SEC61A2: variants seen among roughly 807,000 people sequenced by gnomAD.
The protein encoded by SEC61A2 is SEC61 translocon subunit alpha 2.
A neutral mutation model predicts 59.9 loss-of-function variants in SEC61A2; 28 were observed. The observed-to-expected ratio is 0.47, with a 90% CI of 0.35 to 0.64. The LOEUF (loss-of-function observed/expected upper bound fraction) is 0.64, where lower values mean the gene tolerates loss of function less well. Among genes scored for constraint, SEC61A2 ranks in the 30% least tolerant of loss-of-function variants. The pLI, the probability that SEC61A2 is intolerant of heterozygous loss-of-function variation, is 0.01. For missense variants in SEC61A2, 340 were observed against 585.9 expected, an observed-to-expected ratio of 0.58 and a Z score of 4.33; for synonymous variants, 202 against 214.4, an observed-to-expected ratio of 0.94 and a Z score of 0.50.
At chr10:12,167,871 TTCAA>T (rs1737990266), downstream of SEC61A2, 5 of 1,604,908 alleles carry the variant, frequency 3.1e-6, no homozygotes, top group Admixed American at 1.7e-5. Flanking sequence ...AAACATCTTA[TTCAA>T]TCAGTGTTTG....
chr10:12,167,553 C>T (rs1179048599), downstream of SEC61A2: 1 of 682,100 alleles, frequency 1.5e-6, no homozygotes, highest in African/African-American at 1.8e-5. Flanking sequence ...CCTGTAATTA[C>T]AATTCCATAC....
chr10:12,144,917 G>A (rs1037033883), intron 4 of SEC61A2, among the ~76,000 whole-genome samples: 4 of 152,052 alleles, frequency 2.6e-5, no homozygotes, highest in South Asian at 2.1e-4. Flanking sequence ...AGGTGTGGTC[G>A]TGTGTACTGT....
Position 12,149,931 on chromosome 10 carries a change from T to A in SEC61A2, c.432T>A (p.Gly144=). Residue 144 remains glycine, a synonymous_variant, in exon 6 of 12, where the codon GGT becomes GGA. Coordinates refer to ENST00000298428, the MANE Select transcript of SEC61A2 (RefSeq NM_018144.4). This position sits in a 1 kb window ranked among gnomAD's most constrained non-coding sequence, Gnocchi z 5.2. The part of the protein sequence containing the change: ...TGMYGDPAEM[G]AGICLLIIIQ... The stretch of plus-strand genomic sequence containing the variant: ...TGTATGGGGACCCTGCAGAAATGGG[T>A]GCCGGAATCTGTCTCCTGATCATCA... 6.2e-7 allele frequency: 1 copy of A among 1,613,104 alleles called. No individual in the cohort carries two copies. The highest frequency in any genetic ancestry group is 8.5e-7 in the Non-Finnish European group (1 of 1,179,062).
chr10:12,157,773 T>C, intron 8 of SEC61A2, 135 bp from the exon 9 acceptor site: 1 of 763,052 alleles, frequency 1.3e-6, no homozygotes, highest in Non-Finnish European at 2.1e-6. Flanking sequence ...AGTGTTGGGA[T>C]TACAGGCCTG....
In SEC61A2 at chr10:12,158,823, GCCT is replaced by G. The variant is rs1834465681; in HGVS notation, c.975+724_975+726del. On this transcript the variant is annotated intron_variant, in intron 9 of 11. Transcript: ENST00000298428. This position sits in a 1 kb window ranked among gnomAD's most constrained non-coding sequence, Gnocchi z 5.7. ...TTCCTATCTCCCACCCTGCCTCCAG[GCCT>G]CCTCCATTTTTCATGGTCTGAATGG... 6.6e-6 allele frequency among the ~76,000 whole-genome samples: 1 copy of G among 152,074 alleles called. No homozygotes were observed. Among genetic ancestry groups the G allele is most frequent in the African/African-American group, 2.4e-5 (1 of 41,398 alleles).
Position 12,152,754 on chromosome 10 carries a change from G to GT in SEC61A2, c.462+2794dup, listed in dbSNP as rs1235991104. Among the ~76,000 whole-genome samples, 1 of 152,074 alleles carries GT rather than the reference G, an allele frequency of 6.6e-6. No homozygotes were observed. The highest frequency in any genetic ancestry group is 1.5e-5 in the Non-Finnish European group (1 of 67,986). ...CCAAAAATACAAAAATTAGCAGGGCGTGGTGGCAGGAGCCTGTAGTCCCAG... is the reference window on the plus strand; with the variant it reads ...CCAAAAATACAAAAATTAGCAGGGCGTTGGTGGCAGGAGCCTGTAGTCCCAG... On this transcript the variant is annotated intron_variant, in intron 6 of 11. Coordinates refer to ENST00000298428, the MANE Select transcript of SEC61A2 (RefSeq NM_018144.4). This position sits in a 1 kb window ranked among gnomAD's most constrained non-coding sequence, Gnocchi z 5.5.
chr10:12,160,966 G>A lies in SEC61A2; in HGVS notation c.1012G>A (p.Val338Ile). ...GGGAGGACCCGCACGTTCTTACCCA[G>A]TTGGAGGCCTTTGTTACTATCTTTC... is the stretch of plus-strand genomic sequence containing the variant. ...SGGGPARSYP[V>I]GGLCYYLSPP... The change falls in exon 10 of 12, where the codon GTT (valine) becomes ATT (isoleucine). Residue 338 changes from valine to isoleucine, a missense_variant. Coordinates refer to ENST00000298428, the MANE Select transcript of SEC61A2 (RefSeq NM_018144.4). This position sits in a 1 kb window ranked among gnomAD's most constrained non-coding sequence, Gnocchi z 4.1. 1 of 1,614,088 alleles carries A rather than the reference G, an allele frequency of 6.2e-7. No homozygotes were observed. The highest frequency in any genetic ancestry group is 8.5e-7 in the Non-Finnish European group (1 of 1,179,984).
chr10:12,166,704 G>C (rs1458378792), downstream of SEC61A2: 1 of 509,008 alleles, frequency 2.0e-6, no homozygotes, highest in East Asian at 5.8e-5. Flanking sequence ...GTGGGGGCCA[G>C]ACTGGAAAGT....
At chr10:12,134,475 C>G (rs1050894605) in intron 2 of SEC61A2, among the ~76,000 whole-genome samples, 1 of 152,214 alleles carries the variant, frequency 6.6e-6, no homozygotes, top group Non-Finnish European at 1.5e-5. Flanking sequence ...CATTGGATCC[C>G]TGTTTTGCTT....
rs376695062 is a variant in SEC61A2, at chr10:12,164,217, C to T, written c.1245-51C>T. The T allele has an allele frequency of 7.0e-4, 1,126 of 1,598,580 alleles. 5 individuals carry two copies. Among genetic ancestry groups the T allele is most frequent in the Non-Finnish European group, 8.8e-4 (1,035 of 1,174,166 alleles). Reference sequence around the variant, plus strand: ...TCGACCTGTCTTCGTCTCTAGCTGCCGTGCTGTTCCTGGTCTCTGCTGCCG... The same window carrying T: ...TCGACCTGTCTTCGTCTCTAGCTGCTGTGCTGTTCCTGGTCTCTGCTGCCG... On this transcript the variant is annotated intron_variant, in intron 11 of 11. Coordinates refer to ENST00000298428, the MANE Select transcript of SEC61A2 (RefSeq NM_018144.4). This position sits in a 1 kb window ranked among gnomAD's most constrained non-coding sequence, Gnocchi z 7.3.
At position 12,151,460 on chromosome 10, in the gene SEC61A2, C is replaced by T. The variant is rs191454458; in HGVS notation, c.462+1499C>T. Reference sequence around the variant, plus strand: ...CTGAGTAGCTGGGACTACAGGCGCGCGCCACCATGCCTACCTAATTTTTGT... The same window carrying T: ...CTGAGTAGCTGGGACTACAGGCGCGTGCCACCATGCCTACCTAATTTTTGT... On this transcript the variant is annotated intron_variant, in intron 6 of 11. Coordinates refer to ENST00000298428, the MANE Select transcript of SEC61A2 (RefSeq NM_018144.4). 1.5e-3 allele frequency among the ~76,000 whole-genome samples: 231 copies of T among 150,086 alleles called. 8 individuals are homozygous for T. Among genetic ancestry groups the T allele is most frequent in the African/African-American group, 5.4e-3 (215 of 39,836 alleles).
intron 3 of SEC61A2, among the ~76,000 whole-genome samples, chr10:12,140,410 T>G (rs967535937): frequency 8.5e-5 from 13 of 152,206 alleles, no homozygotes; most frequent in African/African-American, 3.1e-4. Context: ...GCCCACCTGT[T>G]GTTGTACATG....
chr10:12,157,156 C>A, intron 8 of SEC61A2, 89 bp downstream of exon 8: 1 of 1,290,542 alleles, frequency 7.7e-7, no homozygotes, highest in South Asian at 1.3e-5. Flanking sequence ...TGTTGTTTAA[C>A]AAGTCAGGGT....
chr10:12,132,228 G>A (rs569957150), intron 1 of SEC61A2, among the ~76,000 whole-genome samples: 1 of 151,620 alleles, frequency 6.6e-6, no homozygotes, highest in South Asian at 2.1e-4. Context: ...TTGAACCCGG[G>A]GGGCGGAGGT....
At chr10:12,135,467 A>C (rs79214168) in intron 2 of SEC61A2, among the ~76,000 whole-genome samples, 1 of 152,222 alleles carries the variant, frequency 6.6e-6, no homozygotes, top group Non-Finnish European at 1.5e-5. Context: ...TCTCTTTTTA[A>C]ATTTGTATAA....
chr10:12,132,602 A>C (rs1833781174), intron 1 of SEC61A2, among the ~76,000 whole-genome samples: 1 of 133,384 alleles, frequency 7.5e-6, no homozygotes, highest in Non-Finnish European at 1.6e-5. Context: ...CAACACAGCG[A>C]GACTCTGTCT....
Position 12,152,355 on chromosome 10 carries a change from C to T in SEC61A2, c.462+2394C>T, listed in dbSNP as rs997538196. Reference sequence around the variant, plus strand: ...TCGGCCTTCCAAAATGCTGGGATTACAGGCGTGAGCCACCACGCCCCGCCC... The same window carrying T: ...TCGGCCTTCCAAAATGCTGGGATTATAGGCGTGAGCCACCACGCCCCGCCC... On this transcript the variant is annotated intron_variant, in intron 6 of 11. Transcript: ENST00000298428. The surrounding 1 kb of genome is among the most constrained non-coding windows in gnomAD (Gnocchi z 5.5). Among the ~76,000 whole-genome samples the T allele has an allele frequency of 4.0e-5, 6 of 151,002 alleles. No individual in the cohort carries two copies. The highest frequency in any genetic ancestry group is 1.5e-4 in the African/African-American group (6 of 41,124).
At chr10:12,135,153 G>A (rs79136329) in intron 2 of SEC61A2, among the ~76,000 whole-genome samples, 3 of 146,558 alleles carry the variant, frequency 2.0e-5, no homozygotes, top group Non-Finnish European at 4.5e-5. Context: ...GCCTGTGGGG[G>A]TAGGGGGAAA....
rs1432932575 is a variant in SEC61A2 at position 12,131,224 on chromosome 10, T to A, written c.7+1430T>A. ...TGCCCATCATTTGTAGAGGCTTTTT[T>A]AAAAAAGATAATATAGTCAACTTTA... On this transcript the variant is annotated intron_variant, in intron 1 of 11. Transcript: ENST00000298428. 4.6e-5 allele frequency among the ~76,000 whole-genome samples: 7 copies of A among 152,140 alleles called. No individual in the cohort carries two copies. In the South Asian group the frequency reaches 1.2e-3, roughly 27 times the overall value.
Sources: allele counts gnomAD v4.1 joint callset (sites outside exome capture counted in the v4.1 genomes callset), GRCh38; gene constraint gnomAD v4.1.1; non-coding constraint Gnocchi (gnomAD v3.1); transcripts MANE v1.5; gene names NCBI Gene and HGNC (gene_info 2026-07-23, HGNC 2026-07-21).